KCNH1: variants seen among roughly 807,000 people sequenced by gnomAD.
KCNH1 encodes the protein voltage-gated delayed rectifier potassium channel KCNH1.
In KCNH1, 27 loss-of-function variants were observed where a neutral mutation model predicts 69.2. That is an observed-to-expected ratio of 0.39 (90% CI 0.29 to 0.54). The LOEUF is 0.54. Among genes scored for constraint, KCNH1 ranks in the 20% least tolerant of loss-of-function variants. The pLI, the probability that KCNH1 is intolerant of heterozygous loss-of-function variation, is 0.68. For synonymous variants in KCNH1, 456 were observed against 487.7 expected, an observed-to-expected ratio of 0.93 and a Z score of 0.86; for missense variants, 798 against 1,261.6, an observed-to-expected ratio of 0.63 and a Z score of 5.57.
chr1:210,763,463 C>G (rs1683561711), intron 10 of KCNH1, among the ~76,000 whole-genome samples: 2 of 151,954 alleles, frequency 1.3e-5, no homozygotes, highest in African/African-American at 2.4e-5. Context: ...TATTCTATAT[C>G]TAAAAAACCC....
At chr1:210,698,478 G>C (rs1373778844) in intron 10 of KCNH1, among the ~76,000 whole-genome samples, 2 of 152,206 alleles carry the variant, frequency 1.3e-5, no homozygotes, top group African/African-American at 2.4e-5. Flanking sequence ...AAAAGAGAAA[G>C]AAGGATCTCT....
intron 7 of KCNH1, among the ~76,000 whole-genome samples, chr1:210,835,856 A>G (rs1165121578): frequency 6.6e-6 from 1 of 152,112 alleles, no homozygotes; most frequent in Admixed American, 6.6e-5. Context: ...TAGGCCTGGC[A>G]TGGTGGCTCA....
intron 7 of KCNH1, chr1:210,862,432 C>A: frequency 1.9e-6 from 1 of 535,120 alleles, no homozygotes; most frequent in South Asian, 1.9e-5. Flanking sequence ...AACTCCTGGG[C>A]TCAAGTGATC....
intron 9 of KCNH1, among the ~76,000 whole-genome samples, chr1:210,783,708 G>C (rs1452289473): frequency 6.6e-6 from 1 of 152,176 alleles, no homozygotes; most frequent in Non-Finnish European, 1.5e-5. Flanking sequence ...GGAGGAGGCT[G>C]GGTGCCTAAG....
intron 10 of KCNH1, among the ~76,000 whole-genome samples, chr1:210,770,677 C>G (rs769677975): frequency 1.3e-5 from 2 of 152,266 alleles, no homozygotes; most frequent in Non-Finnish European, 2.9e-5. Flanking sequence ...CATCTCCCAA[C>G]CTGGGGTATT....
At chr1:211,050,260 T>TAAGAAAAAA (rs1690174009) in intron 5 of KCNH1, among the ~76,000 whole-genome samples, 1 of 58,582 alleles carries the variant, frequency 1.7e-5, no homozygotes, top group Non-Finnish European at 3.1e-5. Flanking sequence ...CACACATTCT[T>TAAGAAAAAA]AAAAAAAAAA....
At chr1:210,709,727 AG>A (rs71946307) in intron 10 of KCNH1, among the ~76,000 whole-genome samples, 49,857 of 126,286 alleles carry the variant, frequency 0.39, 9,737 homozygotes, top group South Asian at 0.55. Flanking sequence ...GAAAGAAGAG[AG>A]AGAGAGAGAG....
At chr1:210,708,324 C>T (rs915919371) in intron 10 of KCNH1, among the ~76,000 whole-genome samples, 3 of 152,090 alleles carry the variant, frequency 2.0e-5, no homozygotes, top group African/African-American at 7.2e-5. Context: ...TCCTTGATTC[C>T]ATCAAGCCTT....
chr1:210,945,629 A>T (rs994124962), intron 6 of KCNH1, among the ~76,000 whole-genome samples: 1 of 152,156 alleles, frequency 6.6e-6, no homozygotes, highest in African/African-American at 2.4e-5. Context: ...CTCTCTCCTG[A>T]TTCAGGATGT....
At chr1:210,982,119 G>A (rs1216267700) in intron 6 of KCNH1, among the ~76,000 whole-genome samples, 1 of 151,938 alleles carries the variant, frequency 6.6e-6, no homozygotes, top group African/African-American at 2.4e-5. Flanking sequence ...AAAGTCAATT[G>A]CTCCTGACTC....
intron 6 of KCNH1, among the ~76,000 whole-genome samples, chr1:210,928,033 C>G (rs1687609167): frequency 6.6e-6 from 1 of 152,026 alleles, no homozygotes. Context: ...TATATATGCA[C>G]CTAAAACTGG....
At chr1:210,859,314 T>C in intron 7 of KCNH1, 2 of 1,533,712 alleles carry the variant, frequency 1.3e-6, no homozygotes, top group Non-Finnish European at 9.0e-7. Flanking sequence ...ACTGTGTCTG[T>C]AACTGTTTTC....
chr1:211,126,247 C>T (rs556647590), intron 1 of KCNH1, among the ~76,000 whole-genome samples: 50 of 152,228 alleles, frequency 3.3e-4, no homozygotes, highest in African/African-American at 9.9e-4. Context: ...TGGTAGCTCA[C>T]GCCTGTAATC....
At chr1:210,917,018 C>T (rs12030905) in intron 7 of KCNH1, among the ~76,000 whole-genome samples, 22,233 of 151,554 alleles carry the variant, frequency 0.15, 1,924 homozygotes, top group East Asian at 0.37. Context: ...TGTCATGGTG[C>T]GTGCCTATAA....
At chr1:210,694,199 CAG>C (rs750197889) in intron 10 of KCNH1, among the ~76,000 whole-genome samples, 1 of 152,024 alleles carries the variant, frequency 6.6e-6, no homozygotes, top group Non-Finnish European at 1.5e-5. Flanking sequence ...CCGGTAAAGA[CAG>C]GGGAAATAGG....
At position 210,678,702 on chromosome 1, in the gene KCNH1, TC is replaced by T. The variant is rs1304862073; in HGVS notation, c.*4578del. Reference sequence around the variant, plus strand: ...GGTGAAATGTCGGATGTGGACAGTCTCCAACTGATGCACAAATACAGCATCG... The same window carrying T: ...GGTGAAATGTCGGATGTGGACAGTCTCAACTGATGCACAAATACAGCATCG... On this transcript the variant is annotated 3_prime_UTR_variant, in exon 11 of 11. Transcript: ENST00000271751. 1 of 152,150 alleles carries T rather than the reference TC, an allele frequency of 6.6e-6. No individual in the cohort carries two copies. Among genetic ancestry groups the T allele is most frequent in the Non-Finnish European group, 1.5e-5 (1 of 68,034 alleles). 9.4% of individuals were successfully genotyped at this position (152,150 alleles called of 1,614,324 possible).
chr1:210,908,006 C>T (rs565095698), intron 7 of KCNH1, among the ~76,000 whole-genome samples: 40 of 152,248 alleles, frequency 2.6e-4, no homozygotes, highest in African/African-American at 9.1e-4. Flanking sequence ...AATGAGGAGA[C>T]GCATTTGGAT....
intron 1 of KCNH1, among the ~76,000 whole-genome samples, chr1:211,122,831 G>C (rs1018287484): frequency 6.6e-6 from 1 of 152,102 alleles, no homozygotes; most frequent in Admixed American, 6.6e-5. Flanking sequence ...TGTTGGGGGT[G>C]GGGGTAGAAG....
At chr1:210,927,987 A>C (rs1314705530) in intron 6 of KCNH1, among the ~76,000 whole-genome samples, 2 of 152,220 alleles carry the variant, frequency 1.3e-5, no homozygotes, top group African/African-American at 4.8e-5. Context: ...TAATGATAAA[A>C]GGCCTTGTCC....
Sources: gnomAD v4.1 joint callset for allele counts (sites outside exome capture counted in the v4.1 genomes callset) on GRCh38, gnomAD v4.1.1 for gene constraint, MANE v1.5 for transcripts, NCBI Gene and HGNC (gene_info 2026-07-23, HGNC 2026-07-21) for gene names.